Variants in CTNNA1 observed in about 807,000 individuals in gnomAD.
The protein encoded by CTNNA1 is catenin alpha-1.
In CTNNA1, 37 loss-of-function variants were observed where a neutral mutation model predicts 98.4. The observed-to-expected ratio is 0.38, with a 90% CI of 0.29 to 0.49. The LOEUF is 0.49. CTNNA1 is among the 20% of genes least tolerant of loss of function. CTNNA1 has a pLI of 0.95. For missense variants in CTNNA1, 761 were observed against 1,147.2 expected (o/e 0.66, Z 4.86); for synonymous variants, 404 against 413.2 (o/e 0.98, Z 0.27).
At chr5:138,891,901 C>G (rs1755458091) in intron 9 of CTNNA1, among the ~76,000 whole-genome samples, 1 of 152,198 alleles carries the variant, frequency 6.6e-6, no homozygotes, top group Admixed American at 6.5e-5. Context: ...AACCTGCCTC[C>G]CATTCTTTGC....
intron 13 of CTNNA1, 129 bp from the exon 14 acceptor site, chr5:138,929,117 A>G (rs748688539): frequency 8.1e-5 from 60 of 740,350 alleles, no homozygotes; most frequent in Non-Finnish European, 1.4e-4. Flanking sequence ...TATTCACCAT[A>G]CTGTTCAGAA....
At chr5:138,898,195 G>GTGTGATATGTCTGCTCCCACCTT (rs2150105299) in intron 9 of CTNNA1, among the ~76,000 whole-genome samples, 3 of 118,888 alleles carry the variant, frequency 2.5e-5, no homozygotes, top group East Asian at 5.1e-4. Flanking sequence ...TCGTCTTACC[G>GTGTGATATGTCTGCTCCCACCTT]TGTGATATGT....
intron 3 of CTNNA1, among the ~76,000 whole-genome samples, chr5:138,805,999 T>C (rs545285928): frequency 1.3e-5 from 2 of 152,266 alleles, no homozygotes; most frequent in African/African-American, 4.8e-5. Context: ...TACACCAGTG[T>C]TATCTTCTAA....
intron 7 of CTNNA1, among the ~76,000 whole-genome samples, chr5:138,867,137 G>A (rs545399998): frequency 3.3e-5 from 5 of 152,328 alleles, no homozygotes; most frequent in Non-Finnish European, 7.3e-5. Flanking sequence ...GTGTTCCTTT[G>A]TGCAATTTAA....
At chr5:138,865,609 C>T (rs915225792) in intron 7 of CTNNA1, among the ~76,000 whole-genome samples, 2 of 152,158 alleles carry the variant, frequency 1.3e-5, no homozygotes, top group Non-Finnish European at 2.9e-5. Flanking sequence ...ATAGTGTATA[C>T]TAGAAATAAT....
chr5:138,754,107 C>CA (rs1751335041), intron 1 of CTNNA1: 1 of 152,258 alleles, frequency 6.6e-6, no homozygotes, highest in Non-Finnish European at 1.5e-5. Flanking sequence ...AGGTGGGCCA[C>CA]ACCCGTGTGG....
chr5:138,925,622 C>T (rs1763847413), intron 13 of CTNNA1: 1 of 574,564 alleles, frequency 1.7e-6, no homozygotes, highest in South Asian at 2.6e-5. Flanking sequence ...GGGAGCTAGC[C>T]TGAGTTGACG....
chr5:138,774,366 T>G (rs2149614861), intron 1 of CTNNA1, among the ~76,000 whole-genome samples: 1 of 152,090 alleles, frequency 6.6e-6, no homozygotes, highest in South Asian at 2.1e-4. Flanking sequence ...ACAGTAAGAC[T>G]TCTTGGAAGT....
chr5:138,908,131 C>A (rs1049281390), intron 10 of CTNNA1, among the ~76,000 whole-genome samples: 1 of 152,124 alleles, frequency 6.6e-6, no homozygotes, highest in South Asian at 2.1e-4. Context: ...GTGCCTGCCA[C>A]CACGCCCGGC....
chr5:138,816,459 C>G (rs1015639546), intron 5 of CTNNA1, among the ~76,000 whole-genome samples: 1 of 152,156 alleles, frequency 6.6e-6, no homozygotes, highest in African/African-American at 2.4e-5. Flanking sequence ...ATACAATTTT[C>G]CATAATGGCT....
chr5:138,846,017 C>T (rs937607372), intron 7 of CTNNA1, among the ~76,000 whole-genome samples: 1 of 152,140 alleles, frequency 6.6e-6, no homozygotes, highest in Non-Finnish European at 1.5e-5. Flanking sequence ...ACCTCCGCCC[C>T]CTAGGTTCAA....
At position 138,823,813 on chromosome 5, in the gene CTNNA1, C is replaced by T. The variant is rs28363401; in HGVS notation, c.589-717C>T. On this transcript the variant is annotated intron_variant, in intron 5 of 17. Transcript: ENST00000302763. ...TCTACTAAAAATACAAAAAATTAGCCGGGCGTAGTGGCGGGCGCCTGTAGT... is the reference window on the plus strand; with the variant it reads ...TCTACTAAAAATACAAAAAATTAGCTGGGCGTAGTGGCGGGCGCCTGTAGT... Among the ~76,000 whole-genome samples the T allele has an allele frequency of 5.7e-3, 855 of 150,772 alleles. 2 individuals are homozygous for T. The highest frequency in any genetic ancestry group is 0.02 in the African/African-American group (815 of 41,210).
intron 7 of CTNNA1, among the ~76,000 whole-genome samples, chr5:138,846,830 G>C (rs1024499335): frequency 6.6e-6 from 1 of 152,082 alleles, no homozygotes; most frequent in African/African-American, 2.4e-5. Flanking sequence ...TGGGGGCAGG[G>C]TGTCTTCTCT....
chr5:138,767,436 C>T (rs766197987), intron 1 of CTNNA1, among the ~76,000 whole-genome samples: 13 of 152,146 alleles, frequency 8.5e-5, no homozygotes, highest in African/African-American at 1.2e-4. Flanking sequence ...TGTTCTTTGG[C>T]GCCATTGTCC....
intron 1 of CTNNA1, among the ~76,000 whole-genome samples, chr5:138,778,012 A>C (rs1211271972): frequency 1.7e-4 from 4 of 23,432 alleles, no homozygotes; most frequent in Admixed American, 1.6e-3. Flanking sequence ...TTTTTTTTTT[A>C]AACAGAGTCT....
intron 6 of CTNNA1, among the ~76,000 whole-genome samples, chr5:138,826,541 A>G (rs1760740018): frequency 6.6e-6 from 1 of 152,206 alleles, no homozygotes; most frequent in African/African-American, 2.4e-5. Context: ...GGGGAGACAG[A>G]AAAAGGATTT....
At chr5:138,768,730 T>G (rs1276312788) in intron 1 of CTNNA1, among the ~76,000 whole-genome samples, 2 of 152,040 alleles carry the variant, frequency 1.3e-5, no homozygotes, top group Admixed American at 1.3e-4. Context: ...TGTAAGTCAC[T>G]GTGCCTGGCT....
intron 1 of CTNNA1, among the ~76,000 whole-genome samples, chr5:138,772,056 T>C (rs1753613308): frequency 6.6e-6 from 1 of 152,206 alleles, no homozygotes; most frequent in African/African-American, 2.4e-5. Context: ...ATGCTGAACA[T>C]CTTTGGAGAA....
chr5:138,812,104 T>C, intron 4 of CTNNA1, 79 bp from the exon 5 acceptor site: 1 of 1,352,842 alleles, frequency 7.4e-7, no homozygotes, highest in Non-Finnish European at 1.0e-6. Context: ...TTAACAGGAA[T>C]GAAAATTCCT....
Sources: gnomAD v4.1 joint callset for allele counts (sites outside exome capture counted in the v4.1 genomes callset) on GRCh38, gnomAD v4.1.1 for gene constraint, MANE v1.5 for transcripts, NCBI Gene and HGNC (gene_info 2026-07-23, HGNC 2026-07-21) for gene names.